PEX5L: variants seen among roughly 807,000 people sequenced by gnomAD.
The protein encoded by PEX5L is PEX5-related protein.
PEX5L carries 30 observed loss-of-function variants against 84.0 expected under a neutral mutation model. The ratio of observed to expected loss-of-function variants is 0.36; its 90% CI spans 0.27 to 0.48. PEX5L has a LOEUF of 0.48. Among genes scored for constraint, PEX5L ranks in the 20% least tolerant of loss-of-function variants. The pLI is 0.99. For synonymous variants in PEX5L, 270 were observed against 283.1 expected (o/e 0.95, Z 0.46); for missense variants, 533 against 754.6 (o/e 0.71, Z 3.44).
chr3:179,907,065 A>G (rs1763470501), intron 2 of PEX5L, among the ~76,000 whole-genome samples: 1 of 152,214 alleles, frequency 6.6e-6, no homozygotes, highest in Admixed American at 6.5e-5. Context: ...ATAATAAACA[A>G]GATTCCCTGC....
chr3:179,859,146 G>C lies in PEX5L; in HGVS notation c.738C>G (p.Thr246=), dbSNP rs771928294. The change falls in exon 8 of 15, where the codon ACC becomes ACG. Residue 246 remains threonine (T), a synonymous_variant. Coordinates refer to ENST00000467460, the MANE Select transcript of PEX5L (RefSeq NM_016559.3). The part of the protein sequence containing the change: ...ELVAPTQARL[T]KEHRWGSALL... ...ATGCGCTTCCCCAGCGATGTTCTTT[G>C]GTCAGTCGAGCCTGAAATCAATCAT... 7.4e-6 allele frequency: 12 copies of C among 1,612,598 alleles called. No homozygotes were observed. The highest frequency in any genetic ancestry group is 1.0e-5 in the Non-Finnish European group (12 of 1,178,752).
intron 2 of PEX5L, among the ~76,000 whole-genome samples, chr3:179,923,447 C>T (rs1298890600): frequency 6.6e-6 from 1 of 152,144 alleles, no homozygotes; most frequent in Non-Finnish European, 1.5e-5. Context: ...AAATGCAGCA[C>T]CTGCATCAGC....
intron 10 of PEX5L, among the ~76,000 whole-genome samples, chr3:179,813,464 G>T (rs953843310): frequency 3.3e-5 from 5 of 152,090 alleles, no homozygotes; most frequent in Non-Finnish European, 7.4e-5. Flanking sequence ...TCATATTAGT[G>T]TAATAATTTC....
At chr3:179,946,014 A>G (rs1202389747) in intron 2 of PEX5L, among the ~76,000 whole-genome samples, 1 of 144,162 alleles carries the variant, frequency 6.9e-6, no homozygotes, top group African/African-American at 2.7e-5. Flanking sequence ...TGCAGTACTG[A>G]AAGTTTTTTT....
At chr3:180,032,839 G>C (rs1463649207) in intron 1 of PEX5L, among the ~76,000 whole-genome samples, 1 of 152,150 alleles carries the variant, frequency 6.6e-6, no homozygotes, top group Non-Finnish European at 1.5e-5. Flanking sequence ...GGGGGACAGA[G>C]AAAGACCCTG....
At chr3:180,012,758 GT>G (rs1430255857) in intron 1 of PEX5L, among the ~76,000 whole-genome samples, 1 of 151,908 alleles carries the variant, frequency 6.6e-6, no homozygotes, top group Non-Finnish European at 1.5e-5. Context: ...TGAAGAATAA[GT>G]TAAATTACCT....
chr3:179,925,247 G>A (rs1047483457), intron 2 of PEX5L, among the ~76,000 whole-genome samples: 1 of 152,058 alleles, frequency 6.6e-6, no homozygotes, highest in East Asian at 1.9e-4. Context: ...CATTGATAGC[G>A]TTCAAAAATT....
intron 14 of PEX5L, among the ~76,000 whole-genome samples, chr3:179,806,914 C>T (rs1041980089): frequency 6.6e-6 from 1 of 152,146 alleles, no homozygotes; most frequent in African/African-American, 2.4e-5. Context: ...AAAGGGTTTA[C>T]ATCTTTTGTG....
intron 1 of PEX5L, among the ~76,000 whole-genome samples, chr3:180,003,398 A>G (rs1229683474): frequency 6.6e-6 from 1 of 152,116 alleles, no homozygotes; most frequent in Non-Finnish European, 1.5e-5. Flanking sequence ...AAAAAGAAAA[A>G]AAAAGAAAAA....
At chr3:179,931,238 G>A (rs1370516757) in intron 2 of PEX5L, among the ~76,000 whole-genome samples, 6 of 152,214 alleles carry the variant, frequency 3.9e-5, no homozygotes, top group Admixed American at 1.3e-4. Context: ...TGGGACCTCT[G>A]TCAATAACGG....
chr3:180,027,428 G>A (rs1485445858), intron 1 of PEX5L, among the ~76,000 whole-genome samples: 1 of 152,130 alleles, frequency 6.6e-6, no homozygotes, highest in East Asian at 1.9e-4. Flanking sequence ...CCCAGATTTA[G>A]CAGTTTTTAA....
intron 2 of PEX5L, among the ~76,000 whole-genome samples, chr3:179,914,841 T>C (rs1766459488): frequency 6.6e-6 from 1 of 152,230 alleles, no homozygotes; most frequent in Admixed American, 6.5e-5. Context: ...CCATGGGACA[T>C]TTTTATAATT....
intron 9 of PEX5L, among the ~76,000 whole-genome samples, chr3:179,818,249 T>C (rs903791291): frequency 6.6e-6 from 1 of 151,834 alleles, no homozygotes; most frequent in Non-Finnish European, 1.5e-5. Flanking sequence ...CTATATATAG[T>C]TTTTCTTTTA....
chr3:179,919,659 C>T (rs1019670106), intron 2 of PEX5L, among the ~76,000 whole-genome samples: 2 of 152,144 alleles, frequency 1.3e-5, no homozygotes, highest in Non-Finnish European at 2.9e-5. Context: ...ACACTCAACT[C>T]TATCTTTGTG....
At chr3:179,965,717 C>T (rs534082900) in intron 2 of PEX5L, among the ~76,000 whole-genome samples, 1 of 152,102 alleles carries the variant, frequency 6.6e-6, no homozygotes, top group South Asian at 2.1e-4. Flanking sequence ...ATGCATGAAG[C>T]TAAACAAACC....
Position 179,809,668 on chromosome 3 carries a change from C to G in PEX5L, c.1155G>C (p.Arg385Ser). The change falls in exon 12 of 15, where the codon AGG becomes AGC. Residue 385 changes from arginine to serine, a missense_variant and splice_region_variant. Physicochemically the swap from Arg to Ser is moderately radical, Grantham distance 110. Around this residue, in one of 8 missense-constraint regions of PEX5L, gnomAD observed 32 missense variants for 45.5 expected, o/e 0.70. Coordinates refer to ENST00000467460, the MANE Select transcript of PEX5L (RefSeq NM_016559.3). ...AGTTGTTGGGCTGTAATTCTAAGCA[C>G]CTGAAAAAAAAAAAGAAGCCAATTT... The part of the protein sequence containing the change: ...NEQAAIVALQ[R>S]CLELQPNNLK... The G allele has an allele frequency of 1.4e-6, 2 of 1,462,012 alleles. No individual in the cohort carries two copies. Among genetic ancestry groups the G allele is most frequent in the Non-Finnish European group, 1.8e-6 (2 of 1,115,974 alleles). 90.6% of individuals were successfully genotyped at this position (1,462,012 alleles called of 1,614,324 possible). A position where few individuals can be genotyped will look rare whatever the true frequency, so the allele number is the denominator to read the frequency against.
chr3:179,907,841 C>A (rs1763795045), intron 2 of PEX5L, among the ~76,000 whole-genome samples: 2 of 152,138 alleles, frequency 1.3e-5, no homozygotes, highest in Admixed American at 1.3e-4. Flanking sequence ...CAAGTTGAAG[C>A]CTGACTATTC....
intron 1 of PEX5L, among the ~76,000 whole-genome samples, chr3:180,000,510 C>T (rs1175990002): frequency 6.6e-6 from 1 of 152,120 alleles, no homozygotes; most frequent in African/African-American, 2.4e-5. Context: ...AAAACCACGA[C>T]CTGCTGAGGT....
At chr3:179,941,904 C>G (rs188174590) in intron 2 of PEX5L, among the ~76,000 whole-genome samples, 230 of 150,810 alleles carry the variant, frequency 1.5e-3, no homozygotes, top group Non-Finnish European at 2.7e-3. Context: ...GCCTGTAATC[C>G]CAGCTACTTG....
Sources: allele counts gnomAD v4.1 joint callset (sites outside exome capture counted in the v4.1 genomes callset), GRCh38; gene constraint gnomAD v4.1.1; regional missense constraint gnomAD v4.1.1; transcripts MANE v1.5; gene names NCBI Gene and HGNC (gene_info 2026-07-23, HGNC 2026-07-21).